The following DOCK4 variants were observed in gnomAD, a reference collection of about 807,000 sequenced individuals.
DOCK4 encodes the protein dedicator of cytokinesis protein 4.
In DOCK4, 97 loss-of-function variants were observed where a neutral mutation model predicts 268.1. The ratio of observed to expected loss-of-function variants is 0.36; its 90% CI spans 0.31 to 0.43. The LOEUF is 0.43. Ranked by LOEUF, DOCK4 falls within the 20% of genes least tolerant of loss-of-function variation. The pLI is 1.00. For synonymous variants in DOCK4, 954 were observed against 887.2 expected (o/e 1.08, Z -1.34); for missense variants, 2,145 against 2,455.7 (o/e 0.87, Z 2.67).
chr7:112,002,553 A>AT (rs1322295292), intron 2 of DOCK4, among the ~76,000 whole-genome samples: 3 of 152,320 alleles, frequency 2.0e-5, no homozygotes, highest in Admixed American at 2.0e-4. Flanking sequence ...AAACATTCCG[A>AT]TATCACCAGC....
chr7:111,737,933 C>T (rs910206856), intron 49 of DOCK4, among the ~76,000 whole-genome samples: 1 of 152,142 alleles, frequency 6.6e-6, no homozygotes, highest in Non-Finnish European at 1.5e-5. Flanking sequence ...GAGGCGGTAC[C>T]CTGGGACTTT....
intron 8 of DOCK4, among the ~76,000 whole-genome samples, chr7:111,953,443 C>T (rs1295225748): frequency 6.6e-6 from 1 of 152,156 alleles, no homozygotes; most frequent in African/African-American, 2.4e-5. Flanking sequence ...GTTTCTATTT[C>T]ACTGCTTCTC....
intron 41 of DOCK4, among the ~76,000 whole-genome samples, chr7:111,756,086 C>T (rs534734344): frequency 6.6e-5 from 10 of 152,272 alleles, no homozygotes; most frequent in South Asian, 4.1e-4. Context: ...CGGTGGCTCA[C>T]GCCTGTAATC....
At chr7:111,872,636 T>C in intron 17 of DOCK4, 72 bp from the exon 18 acceptor site, 3 of 1,310,376 alleles carry the variant, frequency 2.3e-6, no homozygotes, top group Non-Finnish European at 3.1e-6. Context: ...GTTCTGCTAG[T>C]AAAAGTAAAA....
intron 1 of DOCK4, among the ~76,000 whole-genome samples, chr7:112,033,675 A>T (rs1803479554): frequency 6.6e-6 from 1 of 152,204 alleles, no homozygotes; most frequent in African/African-American, 2.4e-5. Context: ...TTATTAAAAC[A>T]GTTCCGCTAA....
intron 1 of DOCK4, among the ~76,000 whole-genome samples, chr7:112,028,048 C>A (rs2135443911): frequency 6.6e-6 from 1 of 152,190 alleles, no homozygotes; most frequent in East Asian, 1.9e-4. Context: ...ACAAAGATAG[C>A]CCTGAACTTG....
intron 1 of DOCK4, among the ~76,000 whole-genome samples, chr7:112,096,685 G>T (rs1810172710): frequency 6.6e-6 from 1 of 152,190 alleles, no homozygotes. Flanking sequence ...CCAGGAGCTA[G>T]GACAGTGTTA....
chr7:111,753,169 T>C (rs1277673573), intron 42 of DOCK4, among the ~76,000 whole-genome samples: 1 of 152,136 alleles, frequency 6.6e-6, no homozygotes, highest in Non-Finnish European at 1.5e-5. Flanking sequence ...CAGGTTCCTT[T>C]AATCAAATGC....
Position 112,026,331 on chromosome 7 carries a change from C to T in DOCK4, c.38-22200G>A, listed in dbSNP as rs755047300. ...GCACATGTGAGGGATCTAGGTTGCACGCTCCTTATGAGAATTGAATGCCCT... is the reference window on the plus strand; with the variant it reads ...GCACATGTGAGGGATCTAGGTTGCATGCTCCTTATGAGAATTGAATGCCCT... On this transcript the variant is annotated intron_variant, in intron 1 of 52. Transcript: ENST00000428084. Among the ~76,000 whole-genome samples the T allele has an allele frequency of 5.3e-5, 8 of 152,172 alleles. No homozygotes were observed. In the South Asian group the frequency reaches 6.2e-4, roughly 12 times the overall value.
chr7:111,939,331 C>T (rs574782306), intron 11 of DOCK4, among the ~76,000 whole-genome samples: 19 of 151,568 alleles, frequency 1.3e-4, no homozygotes, highest in South Asian at 2.1e-4. Flanking sequence ...CTGGCTAACA[C>T]GGTGAAACCC....
At chr7:111,998,613 G>C in intron 3 of DOCK4, 110 bp from the exon 4 acceptor site, 1 of 644,012 alleles carries the variant, frequency 1.6e-6, no homozygotes, top group Middle Eastern at 2.6e-4. Context: ...CAGGAATAGG[G>C]AAAAGCAACA....
chr7:112,141,284 CAGA>C (rs575706271), intron 1 of DOCK4, among the ~76,000 whole-genome samples: 1 of 152,168 alleles, frequency 6.6e-6, no homozygotes, highest in Non-Finnish European at 1.5e-5. Context: ...ACACAGTTAC[CAGA>C]AGACCACTCA....
Position 111,959,147 on chromosome 7 carries a change from C to G in DOCK4, c.702-13349G>C, listed in dbSNP as rs565940163. Among the ~76,000 whole-genome samples the G allele has an allele frequency of 2.7e-5, 4 of 150,684 alleles. No individual in the cohort carries two copies. The East Asian group carries it at 7.7e-4, about 29-fold the overall frequency. ...AAGGTCGCTGTGGGTCACTGACAGGCAGGCAGACACCCACAGAGAAATCTG... is the reference window on the plus strand; with the variant it reads ...AAGGTCGCTGTGGGTCACTGACAGGGAGGCAGACACCCACAGAGAAATCTG... On this transcript the variant is annotated intron_variant, in intron 8 of 52. Coordinates refer to ENST00000428084, the MANE Select transcript of DOCK4 (RefSeq NM_001363540.2).
Position 111,936,030 on chromosome 7 carries a change from T to C in DOCK4, c.978-402A>G, listed in dbSNP as rs182361622. On this transcript the variant is annotated intron_variant, in intron 11 of 52. Transcript: ENST00000428084. ...ACTCTTGTCTTAATTTCCCCACCTATGAAACACAGATAATATACTAGAACT... is the reference window on the plus strand; with the variant it reads ...ACTCTTGTCTTAATTTCCCCACCTACGAAACACAGATAATATACTAGAACT... 6.6e-5 allele frequency among the ~76,000 whole-genome samples: 10 copies of C among 152,320 alleles called. No individual in the cohort carries two copies. In the East Asian group the frequency reaches 1.9e-3, roughly 29 times the overall value.
intron 1 of DOCK4, among the ~76,000 whole-genome samples, chr7:112,184,981 T>C (rs1180342886): frequency 6.6e-6 from 1 of 152,194 alleles, no homozygotes; most frequent in Non-Finnish European, 1.5e-5. Flanking sequence ...AATTGCATGG[T>C]AGATAAACAA....
chr7:111,799,919 A>C (rs1414026542), intron 30 of DOCK4, among the ~76,000 whole-genome samples: 1 of 152,206 alleles, frequency 6.6e-6, no homozygotes, highest in Non-Finnish European at 1.5e-5. Flanking sequence ...AATTGCAATA[A>C]AACTATACAC....
chr7:111,734,787 G>A (rs1265762879), intron 51 of DOCK4, among the ~76,000 whole-genome samples: 1 of 152,172 alleles, frequency 6.6e-6, no homozygotes, highest in Admixed American at 6.5e-5. Flanking sequence ...CAAGGTTAGG[G>A]TGCCTCCCCG....
intron 1 of DOCK4, among the ~76,000 whole-genome samples, chr7:112,008,819 C>T (rs1164305306): frequency 6.6e-6 from 1 of 152,160 alleles, no homozygotes; most frequent in Non-Finnish European, 1.5e-5. Context: ...CATGGCGAAA[C>T]CCCGTCTCTA....
intron 16 of DOCK4, among the ~76,000 whole-genome samples, chr7:111,890,662 T>G (rs1808213663): frequency 6.6e-6 from 1 of 152,134 alleles, no homozygotes; most frequent in Non-Finnish European, 1.5e-5. Flanking sequence ...CTTGACAAAG[T>G]ATTTACTATA....
Sources: gnomAD v4.1 joint callset for allele counts (sites outside exome capture counted in the v4.1 genomes callset) on GRCh38, gnomAD v4.1.1 for gene constraint, MANE v1.5 for transcripts, NCBI Gene and HGNC (gene_info 2026-07-23, HGNC 2026-07-21) for gene names.